HS3ST4: variants seen among roughly 807,000 people sequenced by gnomAD.
The protein encoded by HS3ST4 is heparan sulfate glucosamine 3-O-sulfotransferase 4.
HS3ST4 carries 17 observed loss-of-function variants against 29.2 expected under a neutral mutation model. The observed-to-expected ratio is 0.58, with a 90% CI of 0.40 to 0.87. HS3ST4 has a LOEUF of 0.87. HS3ST4 is among the 40% of genes least tolerant of loss of function. The pLI is 0.00. For missense variants in HS3ST4, 627 were observed against 634.5 expected, an observed-to-expected ratio of 0.99 and a Z score of 0.13; for synonymous variants, 314 against 285.7, an observed-to-expected ratio of 1.10 and a Z score of -1.00.
In HS3ST4 at chr16:26,026,932, A is replaced by G. The variant is rs1019735127; in HGVS notation, c.735-108680A>G. Among the ~76,000 whole-genome samples the G allele has an allele frequency of 5.9e-5, 9 of 152,302 alleles. No individual in the cohort carries two copies. The South Asian group carries it at 1.0e-3, about 18-fold the overall frequency. On this transcript the variant is annotated intron_variant, in intron 1 of 1. Transcript: ENST00000331351. The stretch of plus-strand genomic sequence containing the variant: ...TAAATGCTAAACCTTTTGCGTGCAC[A>G]TGAATCCGTAGGCTAAGCATTTGGA...
chr16:25,859,269 G>A (rs1014538660), intron 1 of HS3ST4, among the ~76,000 whole-genome samples: 4 of 152,058 alleles, frequency 2.6e-5, no homozygotes, highest in South Asian at 2.1e-4. Flanking sequence ...AGCAGCAAAC[G>A]GAAATTAAAT....
intron 1 of HS3ST4, among the ~76,000 whole-genome samples, chr16:25,751,530 A>T (rs2141602036): frequency 6.6e-6 from 1 of 152,242 alleles, no homozygotes; most frequent in Admixed American, 6.5e-5. Flanking sequence ...ATTACAAAGC[A>T]CTCAGGGTTT....
chr16:25,846,419 AGCTACGCAGGAG>A (rs1967466351), intron 1 of HS3ST4, among the ~76,000 whole-genome samples: 1 of 152,160 alleles, frequency 6.6e-6, no homozygotes, highest in African/African-American at 2.4e-5. Flanking sequence ...CTATAGTTCC[AGCTACGCAGGAG>A]GCTAAGGTGG....
intron 1 of HS3ST4, among the ~76,000 whole-genome samples, chr16:25,908,387 G>A (rs1968200398): frequency 6.6e-6 from 1 of 152,188 alleles, no homozygotes; most frequent in Non-Finnish European, 1.5e-5. Flanking sequence ...CAGAAATGTA[G>A]CTGTAGGATT....
At chr16:25,976,536 C>CAT (rs201589011) in intron 1 of HS3ST4, among the ~76,000 whole-genome samples, 2,115 of 152,238 alleles carry the variant, frequency 0.014, 46 homozygotes, top group African/African-American at 0.049. Flanking sequence ...CCTGCAAACA[C>CAT]GTTTGTGGAA....
intron 1 of HS3ST4, among the ~76,000 whole-genome samples, chr16:25,929,590 T>C (rs1968443369): frequency 6.6e-6 from 1 of 152,066 alleles, no homozygotes; most frequent in Non-Finnish European, 1.5e-5. Context: ...TTGGTCTGTC[T>C]CTGAGACCAC....
At chr16:26,114,103 T>C (rs1899170895) in intron 1 of HS3ST4, among the ~76,000 whole-genome samples, 1 of 152,066 alleles carries the variant, frequency 6.6e-6, no homozygotes, top group Admixed American at 6.5e-5. Flanking sequence ...ATATGACAAA[T>C]TCTGGTGTAT....
chr16:26,047,562 G>A (rs1368308491), intron 1 of HS3ST4, among the ~76,000 whole-genome samples: 1 of 152,148 alleles, frequency 6.6e-6, no homozygotes, highest in African/African-American at 2.4e-5. Context: ...CTTTCCAGGT[G>A]AGAAGATGAG....
chr16:26,024,638 A>G (rs1450735470), intron 1 of HS3ST4, among the ~76,000 whole-genome samples: 4 of 152,184 alleles, frequency 2.6e-5, no homozygotes, highest in Admixed American at 6.5e-5. Context: ...AGGCTGAGGC[A>G]GGAGAATCGC....
At chr16:25,930,999 C>T (rs1036292349) in intron 1 of HS3ST4, among the ~76,000 whole-genome samples, 3 of 152,124 alleles carry the variant, frequency 2.0e-5, no homozygotes, top group South Asian at 2.1e-4. Context: ...GTCTTGAACT[C>T]CTAAGCTCAA....
chr16:25,868,268 G>T (rs988323767), intron 1 of HS3ST4, among the ~76,000 whole-genome samples: 1 of 152,000 alleles, frequency 6.6e-6, no homozygotes, highest in African/African-American at 2.4e-5. Context: ...TAGAACTTTG[G>T]CGGCTGCAGC....
At position 26,032,411 on chromosome 16, in the gene HS3ST4, C is replaced by A. The variant is rs1268331491; in HGVS notation, c.735-103201C>A. On this transcript the variant is annotated intron_variant, in intron 1 of 1. Coordinates refer to ENST00000331351, the MANE Select transcript of HS3ST4 (RefSeq NM_006040.3). The stretch of plus-strand genomic sequence containing the variant: ...AAACAACAATGAAGTGTTCTGTGTG[C>A]TAACAACATAGCTTTAAAAAAAAAA... 1.7e-5 allele frequency: 11 copies of A among 664,994 alleles called. No individual in the cohort carries two copies. In the East Asian group the frequency reaches 2.4e-4, roughly 15 times the overall value. 41.2% of individuals were successfully genotyped at this position (664,994 alleles called of 1,614,324 possible).
At position 25,692,523 on chromosome 16, in the gene HS3ST4, CT is replaced by C; in HGVS notation, c.111del (p.Phe37LeufsTer113). On this transcript the variant is annotated frameshift_variant, in exon 1 of 2. Transcript: ENST00000331351. LOFTEE classifies it high-confidence loss of function. ...SAKGPPARKLLFMCTLSLSVT... is the reference protein window; with the variant it reads ...SAKGPPARKLXFMCTLSLSVT... ...TAAGGGGCCGCCGGCGCGCAAGCTG[CT>C]TTTTATGTGCACCTTGTCCCTGTCT... The C allele has an allele frequency of 2.1e-6, 3 of 1,432,682 alleles. No individual in the cohort carries two copies. The highest frequency in any genetic ancestry group is 1.8e-6 in the Non-Finnish European group (2 of 1,081,402). 88.7% of individuals were successfully genotyped at this position (1,432,682 alleles called of 1,614,324 possible). A position where few individuals can be genotyped will look rare whatever the true frequency, so the allele number is the denominator to read the frequency against.
intron 1 of HS3ST4, among the ~76,000 whole-genome samples, chr16:26,113,819 A>C (rs1386113212): frequency 6.6e-6 from 1 of 152,078 alleles, no homozygotes; most frequent in Non-Finnish European, 1.5e-5. Context: ...ATTTGGGATG[A>C]AGGGGAGCAT....
At chr16:25,988,321 G>A (rs1485267850) in intron 1 of HS3ST4, among the ~76,000 whole-genome samples, 3 of 152,176 alleles carry the variant, frequency 2.0e-5, no homozygotes, top group Admixed American at 2.0e-4. Context: ...CCTGCCTCCA[G>A]ATCCCACCTC....
intron 1 of HS3ST4, among the ~76,000 whole-genome samples, chr16:26,119,556 G>A (rs1237900191): frequency 6.6e-6 from 1 of 152,140 alleles, no homozygotes; most frequent in Admixed American, 6.5e-5. Flanking sequence ...GAGTGGGCAC[G>A]ACCTGGCTGC....
At chr16:25,940,672 G>T (rs1366239128) in intron 1 of HS3ST4, among the ~76,000 whole-genome samples, 1 of 152,236 alleles carries the variant, frequency 6.6e-6, no homozygotes, top group Non-Finnish European at 1.5e-5. Flanking sequence ...ACTATGCACA[G>T]ATCATAATTC....
At chr16:25,843,607 C>G (rs958681603) in intron 1 of HS3ST4, among the ~76,000 whole-genome samples, 5 of 152,170 alleles carry the variant, frequency 3.3e-5, no homozygotes, top group Non-Finnish European at 7.3e-5. Context: ...AGAAGGCTGT[C>G]TTTGGAGACC....
intron 1 of HS3ST4, among the ~76,000 whole-genome samples, chr16:25,702,522 T>C (rs1042526132): frequency 6.6e-6 from 1 of 152,186 alleles, no homozygotes; most frequent in African/African-American, 2.4e-5. Flanking sequence ...GTGGCATTTC[T>C]TTCTTTTCCT....
Sources: allele counts gnomAD v4.1 joint callset (sites outside exome capture counted in the v4.1 genomes callset), GRCh38; gene constraint gnomAD v4.1.1; transcripts MANE v1.5; gene names NCBI Gene and HGNC (gene_info 2026-07-23, HGNC 2026-07-21).